The following FANCD2 variants were observed in gnomAD, a reference collection of about 807,000 sequenced individuals.
The protein encoded by FANCD2 is Fanconi anemia group D2 protein.
In FANCD2, 131 loss-of-function variants were observed where a neutral mutation model predicts 192.3. That is an observed-to-expected ratio of 0.68 (90% CI 0.59 to 0.79). FANCD2 has a LOEUF of 0.79. FANCD2 is among the 30% of genes least tolerant of loss of function. The pLI is 0.00. For synonymous variants in FANCD2, 524 were observed against 612.5 expected (o/e 0.86, Z 2.13); for missense variants, 1,508 against 1,701.6 (o/e 0.89, Z 2.00).
At chr3:10,060,034 G>A in intron 18 of FANCD2, among the ~76,000 whole-genome samples, 1 of 151,990 alleles carries the variant, frequency 6.6e-6, no homozygotes, top group East Asian at 1.9e-4. Flanking sequence ...GGGCATGGTG[G>A]CGGGTGCCTG....
At chr3:10,051,846 G>T (rs954470054) in intron 17 of FANCD2, among the ~76,000 whole-genome samples, 2 of 152,118 alleles carry the variant, frequency 1.3e-5, no homozygotes, top group African/African-American at 4.8e-5. Flanking sequence ...AAAAGCTGAG[G>T]CATTTCCCAA....
At chr3:10,033,200 T>C (rs1362458413) in intron 3 of FANCD2, among the ~76,000 whole-genome samples, 2 of 152,088 alleles carry the variant, frequency 1.3e-5, no homozygotes, top group African/African-American at 4.8e-5. Flanking sequence ...TTGCCTGAGC[T>C]CAGGAATTTG....
At chr3:10,068,850 A>C (rs2087791062) in intron 26 of FANCD2, among the ~76,000 whole-genome samples, 2 of 152,202 alleles carry the variant, frequency 1.3e-5, no homozygotes. Flanking sequence ...TACACCTACA[A>C]TGAACTCATT....
chr3:10,096,509 C>T, intron 42 of FANCD2, 37 bp downstream of exon 42: 1 of 1,605,350 alleles, frequency 6.2e-7, no homozygotes, highest in Non-Finnish European at 8.5e-7. Flanking sequence ...ATCCCCTACT[C>T]TTATTCTTTG....
At chr3:10,039,650 A>G in intron 8 of FANCD2, 71 bp from the exon 9 acceptor site, 1 of 1,566,452 alleles carries the variant, frequency 6.4e-7, no homozygotes. Context: ...TCAGCTCTGC[A>G]TTTCACACGT....
At chr3:10,085,709 C>A in intron 32 of FANCD2, 103 bp from the exon 33 acceptor site, 1 of 825,570 alleles carries the variant, frequency 1.2e-6, no homozygotes, top group Non-Finnish European at 2.1e-6. Flanking sequence ...TTTTTTCAAA[C>A]CGTTAAACTA....
chr3:10,044,419 G>A (rs1353175919), intron 14 of FANCD2, among the ~76,000 whole-genome samples: 1 of 151,778 alleles, frequency 6.6e-6, no homozygotes, highest in Non-Finnish European at 1.5e-5. Context: ...TATAATCCCA[G>A]CACTTTGGGA....
At chr3:10,073,190 A>G in intron 27 of FANCD2, 63 bp from the exon 28 acceptor site, 1 of 1,340,706 alleles carries the variant, frequency 7.5e-7, no homozygotes, top group Admixed American at 1.7e-5. Context: ...TTCTGAGGGC[A>G]ATGATATTTG....
chr3:10,055,540 C>G (rs561073008), intron 18 of FANCD2, among the ~76,000 whole-genome samples: 13 of 152,232 alleles, frequency 8.5e-5, no homozygotes, highest in Non-Finnish European at 1.9e-4. Context: ...TGGCCGGGCA[C>G]GGTGACTCAC....
chr3:10,088,624 AC>A (rs1694384879), intron 35 of FANCD2, 82 bp downstream of exon 35: 1 of 1,155,636 alleles, frequency 8.7e-7, no homozygotes, highest in African/African-American at 1.5e-5. Context: ...TGGACAAATG[AC>A]CTTTTTAGTG....
Position 10,039,705 on chromosome 3 carries a change from G to A in FANCD2, c.571-16G>A. On this transcript the variant is annotated splice_polypyrimidine_tract_variant and intron_variant, in intron 8 of 43. Coordinates refer to ENST00000675286, the MANE Select transcript of FANCD2 (RefSeq NM_001018115.3). ...TGGGTAATGTGCTGCAGTTCTAATA[G>A]TGTCTTCTACTGCAGGACCTCACCA... The A allele has an allele frequency of 1.2e-6, 2 of 1,613,958 alleles. No individual in the cohort carries two copies. The highest frequency in any genetic ancestry group is 1.7e-6 in the Non-Finnish European group (2 of 1,179,962).
intron 23 of FANCD2, 77 bp from the exon 24 acceptor site, chr3:10,065,317 G>A: frequency 1.0e-6 from 1 of 968,304 alleles, no homozygotes; most frequent in Non-Finnish European, 1.7e-6. Context: ...CCCTATGTAT[G>A]TGGAGTAATA....
chr3:10,050,885 G>A (rs66493421), intron 17 of FANCD2, among the ~76,000 whole-genome samples: 21,606 of 151,620 alleles, frequency 0.14, 1,601 homozygotes, highest in Non-Finnish European at 0.16. Context: ...TTGGGAGTTC[G>A]AATCAGCCTG....
At chr3:10,030,084 G>A (rs1229914847) in intron 2 of FANCD2, among the ~76,000 whole-genome samples, 1 of 143,244 alleles carries the variant, frequency 7.0e-6, no homozygotes, top group East Asian at 2.0e-4. Flanking sequence ...ACCACGCCTG[G>A]CCCATTATAT....
chr3:10,099,235 A>T, intron 43 of FANCD2: 1 of 1,334,362 alleles, frequency 7.5e-7, no homozygotes. Flanking sequence ...GCACAGAGTC[A>T]GAAGCTGCCA....
chr3:10,051,019 G>C (rs1474987944), intron 17 of FANCD2, among the ~76,000 whole-genome samples: 1 of 151,812 alleles, frequency 6.6e-6, no homozygotes, highest in Non-Finnish European at 1.5e-5. Context: ...CCAGGAGGTG[G>C]AGGTTGCAGT....
intron 36 of FANCD2, among the ~76,000 whole-genome samples, 180 bp downstream of exon 36, chr3:10,089,130 CA>C (rs564342097): frequency 2.0e-4 from 31 of 152,100 alleles, no homozygotes; most frequent in African/African-American, 7.5e-4. Flanking sequence ...ACTAAAAATA[CA>C]AAAATTAGCC....
rs536186201 is a variant in FANCD2, at chr3:10,101,706, C to T, written c.*444C>T. ...CCATATTTTGTTCTTAAAGTGGGGTCTTTATTAACTTGTGGACATCATGGA... is the reference window on the plus strand; with the variant it reads ...CCATATTTTGTTCTTAAAGTGGGGTTTTTATTAACTTGTGGACATCATGGA... On this transcript the variant is annotated 3_prime_UTR_variant, in exon 44 of 44. Transcript: ENST00000675286. 7 of 266,732 alleles carry T rather than the reference C, an allele frequency of 2.6e-5. No homozygotes were observed. The highest frequency in any genetic ancestry group is 1.1e-4 in the African/African-American group (5 of 45,006). 16.5% of individuals were successfully genotyped at this position (266,732 alleles called of 1,614,324 possible). A position where few individuals can be genotyped will look rare whatever the true frequency, so the allele number is the denominator to read the frequency against.
At chr3:10,080,281 T>C (rs901433548) in intron 30 of FANCD2, among the ~76,000 whole-genome samples, 2 of 152,182 alleles carry the variant, frequency 1.3e-5, no homozygotes, top group African/African-American at 4.8e-5. Flanking sequence ...TTGCCCAGGC[T>C]GGAGTGTAGT....
Sources: gnomAD v4.1 joint callset for allele counts (sites outside exome capture counted in the v4.1 genomes callset) on GRCh38, gnomAD v4.1.1 for gene constraint, MANE v1.5 for transcripts, NCBI Gene and HGNC (gene_info 2026-07-23, HGNC 2026-07-21) for gene names.